The following PLEKHG1 variants were observed in gnomAD, a reference collection of about 807,000 sequenced individuals.
The protein encoded by PLEKHG1 is pleckstrin homology domain-containing family G member 1.
A neutral mutation model predicts 100.8 loss-of-function variants in PLEKHG1; 44 were observed. That is an observed-to-expected ratio of 0.44 (90% confidence interval 0.34 to 0.56). The LOEUF (loss-of-function observed/expected upper bound fraction) is 0.56. Ranked by LOEUF, PLEKHG1 falls within the 20% of genes least tolerant of loss-of-function variation. PLEKHG1 has a pLI of 0.01. For synonymous variants in PLEKHG1, 640 were observed against 662.5 expected, an observed-to-expected ratio of 0.97 and a Z score of 0.52; for missense variants, 1,545 against 1,720.9, an observed-to-expected ratio of 0.90 and a Z score of 1.81.
intron 2 of PLEKHG1, among the ~76,000 whole-genome samples, chr6:150,648,215 T>G (rs1778579161): frequency 6.6e-6 from 1 of 152,160 alleles, no homozygotes. Context: ...CTATTTCTAA[T>G]AGGTTTTAAA....
At chr6:150,839,709 CAGTT>C (rs757438514) in intron 15 of PLEKHG1, 120 bp from the exon 17 acceptor site, 24 of 628,404 alleles carry the variant, frequency 3.8e-5, no homozygotes, top group African/African-American at 9.1e-5. Flanking sequence ...CCTTAGACAT[CAGTT>C]AGTCTTGTCT....
intron 3 of PLEKHG1, among the ~76,000 whole-genome samples, chr6:150,780,396 G>A (rs1016201179): frequency 1.3e-5 from 2 of 152,034 alleles, no homozygotes. Flanking sequence ...TTACAGGCGT[G>A]AGCCACTGCA....
Position 150,827,726 on chromosome 6 carries a change from G to A in PLEKHG1, c.1471-2856G>A, listed in dbSNP as rs960685409. 35 of 1,302,926 alleles carry A rather than the reference G, an allele frequency of 2.7e-5. No homozygotes were observed. The Admixed American group carries it at 3.7e-4, about 14-fold the overall frequency. 80.7% of individuals were successfully genotyped at this position (1,302,926 alleles called of 1,614,324 possible). ...CTTACGCAAAAAGGGTTTCTTACCC[G>A]CCAAGGAAAGAATTGGAAGAATTGG... On this transcript the variant is annotated intron_variant, in intron 14 of 15. Coordinates refer to ENST00000358517, the Ensembl canonical transcript of PLEKHG1.
At chr6:150,837,003 A>C (rs1311853751) in intron 15 of PLEKHG1, among the ~76,000 whole-genome samples, 1 of 151,832 alleles carries the variant, frequency 6.6e-6, no homozygotes, top group African/African-American at 2.4e-5. Context: ...CTCTACTATA[A>C]ATACAAAAAT....
At chr6:150,823,676 G>A in exon 14 of PLEKHG1, 1 of 1,610,538 alleles carries the variant, frequency 6.2e-7, no homozygotes, top group Non-Finnish European at 8.5e-7. Flanking sequence ...ACATCCAAAA[G>A]GTAAGCTCTA....
chr6:150,776,819 A>G (rs900083401), intron 3 of PLEKHG1, among the ~76,000 whole-genome samples: 2 of 148,996 alleles, frequency 1.3e-5, no homozygotes, highest in South Asian at 2.1e-4. Context: ...CACTGTTGCA[A>G]TCCTGGCGTA....
At chr6:150,841,636 CA>C (rs1777536061) in exon 16 of PLEKHG1, 2 of 152,132 alleles carry the variant, frequency 1.3e-5, no homozygotes, top group African/African-American at 4.8e-5. Context: ...TAGAGAAAAC[CA>C]AGGTCAATAA....
intron 3 of PLEKHG1, among the ~76,000 whole-genome samples, chr6:150,705,974 C>G (rs1780989598): frequency 1.3e-5 from 2 of 152,140 alleles, no homozygotes; most frequent in African/African-American, 4.8e-5. Flanking sequence ...AAATGCTCTT[C>G]CAAGTTATTC....
intron 5 of PLEKHG1, among the ~76,000 whole-genome samples, chr6:150,799,998 G>T (rs1429998473): frequency 6.6e-6 from 1 of 152,224 alleles, no homozygotes; most frequent in African/African-American, 2.4e-5. Flanking sequence ...ACCTCGGGGG[G>T]ATCTGGGTTG....
intron 3 of PLEKHG1, among the ~76,000 whole-genome samples, chr6:150,660,529 A>G (rs945504557): frequency 6.6e-6 from 1 of 152,144 alleles, no homozygotes; most frequent in Non-Finnish European, 1.5e-5. Context: ...GATGGAGAGG[A>G]TGATGCTCTA....
intron 1 of PLEKHG1, among the ~76,000 whole-genome samples, chr6:150,606,981 G>A (rs1776628191): frequency 6.6e-6 from 1 of 152,050 alleles, no homozygotes; most frequent in Admixed American, 6.6e-5. Context: ...ACTTGGCCAA[G>A]AAAGAAGGAA....
chr6:150,699,966 A>G (rs1780699857), intron 3 of PLEKHG1, among the ~76,000 whole-genome samples: 1 of 152,226 alleles, frequency 6.6e-6, no homozygotes, highest in South Asian at 2.1e-4. Context: ...GCCAAATTTT[A>G]GATCACTGGT....
intron 2 of PLEKHG1, among the ~76,000 whole-genome samples, chr6:150,739,385 G>A (rs1562477590): frequency 1.3e-5 from 2 of 151,980 alleles, no homozygotes; most frequent in Non-Finnish European, 2.9e-5. Flanking sequence ...CTAAGTAATG[G>A]GGCCAGGAGC....
chr6:150,830,584 T>A, exon 15 of PLEKHG1: 1 of 1,582,738 alleles, frequency 6.3e-7, no homozygotes, highest in South Asian at 1.1e-5. Context: ...TTCCTCAGGT[T>A]TCTAGAGAGG....
intron 3 of PLEKHG1, among the ~76,000 whole-genome samples, chr6:150,769,868 A>G (rs973885058): frequency 6.6e-6 from 1 of 152,062 alleles, no homozygotes; most frequent in Admixed American, 6.5e-5. Flanking sequence ...TTAACATACT[A>G]TATGATCGAC....
chr6:150,675,668 G>A (rs1199669083), intron 3 of PLEKHG1, among the ~76,000 whole-genome samples: 1 of 152,162 alleles, frequency 6.6e-6, no homozygotes, highest in African/African-American at 2.4e-5. Context: ...TGTATTTTTG[G>A]TAGAGATGGG....
At position 150,704,478 on chromosome 6, in the gene PLEKHG1, C is replaced by T. The variant is rs143373586; in HGVS notation, c.-98-29106C>T. Reference sequence around the variant, plus strand: ...TGAAGTCTGTCATCCTTGACCCCATCAAAGCGTTTTTCATTGGGATGATGG... The same window carrying T: ...TGAAGTCTGTCATCCTTGACCCCATTAAAGCGTTTTTCATTGGGATGATGG... On this transcript the variant is annotated intron_variant, in intron 3 of 3. Transcript: ENST00000367326. Among the ~76,000 whole-genome samples the T allele has an allele frequency of 5.2e-3, 786 of 152,360 alleles. 6 individuals are homozygous for T. Among genetic ancestry groups the T allele is most frequent in the African/African-American group, 0.018 (738 of 41,584 alleles).
intron 1 of PLEKHG1, among the ~76,000 whole-genome samples, chr6:150,618,163 A>G (rs756306298): frequency 3.9e-5 from 6 of 152,226 alleles, no homozygotes; most frequent in Non-Finnish European, 7.3e-5. Context: ...TAATAGGTGA[A>G]TGTAGTTTTG....
At chr6:150,699,805 A>C (rs900178793) in intron 3 of PLEKHG1, among the ~76,000 whole-genome samples, 2 of 152,216 alleles carry the variant, frequency 1.3e-5, no homozygotes, top group Non-Finnish European at 2.9e-5. Flanking sequence ...TCTTAGCTAA[A>C]CAAATAAACT....
Sources: allele counts gnomAD v4.1 joint callset (sites outside exome capture counted in the v4.1 genomes callset), GRCh38; gene constraint gnomAD v4.1.1; transcripts MANE v1.5; gene names NCBI Gene and HGNC (gene_info 2026-07-23, HGNC 2026-07-21).